The following PRPF39 variants were observed in gnomAD, a reference collection of about 807,000 sequenced individuals.
PRPF39 encodes pre-mRNA processing factor 39, also known as pre-mRNA-processing factor 39.
PRPF39 carries 27 observed loss-of-function variants against 82.1 expected under a neutral mutation model. The observed-to-expected ratio is 0.33, with a 90% CI of 0.24 to 0.45. The LOEUF is 0.45. Among genes scored for constraint, PRPF39 ranks in the 20% least tolerant of loss-of-function variants. The probability of loss-of-function intolerance (pLI) is 1.00; values close to 1 mark genes in which losing one functional copy is unlikely to be tolerated. For missense variants in PRPF39, 581 were observed against 796.9 expected (o/e 0.73, Z 3.26); for synonymous variants, 261 against 256.4 (o/e 1.02, Z -0.17).
intron 5 of PRPF39, among the ~76,000 whole-genome samples, chr14:45,106,434 G>T (rs1884534860): frequency 6.6e-6 from 1 of 152,062 alleles, no homozygotes; most frequent in Non-Finnish European, 1.5e-5. Flanking sequence ...TCATATTTGA[G>T]GTTCCAAAGG....
rs368302848 is a variant in PRPF39 at position 45,114,944 on chromosome 14, G to A, written c.*31G>A. 95 of 1,518,800 alleles carry A rather than the reference G, an allele frequency of 6.3e-5. No individual in the cohort carries two copies. In the South Asian group the frequency reaches 9.5e-4, roughly 15 times the overall value. 94.1% of individuals were successfully genotyped at this position (1,518,800 alleles called of 1,614,324 possible). ...AAAATGTAAATTTCAAATGCAGTGT[G>A]TGAAAAGTATGAAATTATTATTTTT... On this transcript the variant is annotated 3_prime_UTR_variant, in exon 14 of 14. Coordinates refer to ENST00000355765, the MANE Select transcript of PRPF39 (RefSeq NM_017922.4).
Position 45,109,774 on chromosome 14 carries a change from G to T in PRPF39, c.1170G>T (p.Trp390Cys). 1 of 1,598,346 alleles carries T rather than the reference G, an allele frequency of 6.3e-7. No individual in the cohort carries two copies. Among genetic ancestry groups the T allele is most frequent in the South Asian group, 1.1e-5 (1 of 87,982 alleles). ...VISCALYEEF[W>C]IKYAKYMENH... is the part of the protein sequence containing the mutation. ...CATGTGCCCTCTATGAGGAGTTTTG[G>T]ATTAAGGTAAGAAAATCATGTGCTC... The change falls in exon 8 of 14, where the codon TGG (tryptophan) becomes TGT (cysteine). Residue 390 changes from tryptophan to cysteine, a missense_variant. By Grantham distance (215) the Trp-to-Cys change is radical. Transcript: ENST00000355765.
chr14:45,108,751 A>T (rs1884614628), intron 7 of PRPF39, among the ~76,000 whole-genome samples: 1 of 152,206 alleles, frequency 6.6e-6, no homozygotes, highest in Non-Finnish European at 1.5e-5. Flanking sequence ...TATCTGCTTA[A>T]TCTGAACAAT....
At chr14:45,108,345 T>A (rs1373496193) in intron 6 of PRPF39, 70 bp from the exon 7 acceptor site, 1 of 1,439,980 alleles carries the variant, frequency 6.9e-7, no homozygotes, top group Non-Finnish European at 9.2e-7. Flanking sequence ...TACTTAAATA[T>A]AAGCAGTGAT....
chr14:45,100,565 G>A (rs1306509113), intron 4 of PRPF39, among the ~76,000 whole-genome samples: 3 of 152,050 alleles, frequency 2.0e-5, no homozygotes, highest in Non-Finnish European at 4.4e-5. Flanking sequence ...TTACCTTCTT[G>A]TCTTCTTCCC....
intron 2 of PRPF39, 110 bp from the exon 3 acceptor site, chr14:45,095,967 CAGAGCAGCCTGCATGTGGAGTTTTTA>C (rs1168933698): frequency 1.5e-6 from 1 of 663,354 alleles, no homozygotes; most frequent in Admixed American, 3.4e-5. Context: ...GCTCCATCGG[CAGAGCAGCCTGCATGTGGAGTTTTTA>C]AGCCTGCCAT....
In PRPF39 at chr14:45,095,470, C is replaced by T; in HGVS notation, c.231C>T (p.Phe77=). ...PVTLTETEAN[F]PPEYEKFWKT... Reference sequence around the variant, plus strand: ...CGCTGACAGAAACAGAAGCAAATTTCCCTCCAGAATATGAAAAATTTTGGA... The same window carrying T: ...CGCTGACAGAAACAGAAGCAAATTTTCCTCCAGAATATGAAAAATTTTGGA... The change falls in exon 2 of 14, where the codon TTC becomes TTT. Residue 77 remains phenylalanine, a synonymous_variant. Coordinates refer to ENST00000355765, the MANE Select transcript of PRPF39 (RefSeq NM_017922.4). 1 of 1,613,946 alleles carries T rather than the reference C, an allele frequency of 6.2e-7. No homozygotes were observed. The highest frequency in any genetic ancestry group is 8.5e-7 in the Non-Finnish European group (1 of 1,179,882).
intron 10 of PRPF39, 72 bp from the exon 11 acceptor site, chr14:45,112,246 T>G: frequency 8.0e-7 from 1 of 1,250,866 alleles, no homozygotes; most frequent in Non-Finnish European, 1.1e-6. Context: ...ACATAAAAAC[T>G]AAGGCATTTT....
intron 1 of PRPF39, among the ~76,000 whole-genome samples, chr14:45,090,442 A>T (rs572900854): frequency 1.7e-4 from 26 of 152,046 alleles, no homozygotes; most frequent in African/African-American, 6.0e-4. Context: ...CTTTGCTTTT[A>T]CCCTTCTACT....
intron 11 of PRPF39, among the ~76,000 whole-genome samples, chr14:45,112,742 T>C (rs1293037901): frequency 2.6e-5 from 4 of 152,236 alleles, no homozygotes; most frequent in Admixed American, 2.6e-4. Flanking sequence ...AATGACAATT[T>C]AAACCATGAC....
At chr14:45,109,516 A>C (rs1884640937) in intron 7 of PRPF39, 100 bp from the exon 8 acceptor site, 1 of 949,114 alleles carries the variant, frequency 1.1e-6, no homozygotes, top group East Asian at 3.2e-5. Flanking sequence ...AAAAATTTTA[A>C]TCATCAATTA....
chr14:45,101,847 C>T (rs1224390123), intron 4 of PRPF39, among the ~76,000 whole-genome samples: 1 of 149,966 alleles, frequency 6.7e-6, no homozygotes, highest in East Asian at 2.0e-4. Flanking sequence ...CGCTCTGTCG[C>T]CCAGTCTGGA....
intron 5 of PRPF39, among the ~76,000 whole-genome samples, chr14:45,103,040 G>A (rs959942174): frequency 2.0e-5 from 3 of 152,140 alleles, no homozygotes; most frequent in African/African-American, 7.2e-5. Context: ...AATTGACACA[G>A]TGCCTGGCAC....
At chr14:45,100,221 C>T (rs1219014649) in intron 4 of PRPF39, among the ~76,000 whole-genome samples, 1 of 151,550 alleles carries the variant, frequency 6.6e-6, no homozygotes, top group Non-Finnish European at 1.5e-5. Flanking sequence ...CAGAGCGAGA[C>T]CCTGTCTCAA....
In PRPF39 at chr14:45,107,439, G is replaced by A. The variant is rs753659101; in HGVS notation, c.738-12G>A. 2 of 1,482,824 alleles carry A rather than the reference G, an allele frequency of 1.3e-6. No individual in the cohort carries two copies. Among genetic ancestry groups the A allele is most frequent in the Non-Finnish European group, 1.8e-6 (2 of 1,087,174 alleles). 91.9% of individuals were successfully genotyped at this position (1,482,824 alleles called of 1,614,324 possible). On this transcript the variant is annotated splice_polypyrimidine_tract_variant and intron_variant, in intron 5 of 13. Transcript: ENST00000355765. ...TGATTCAAATACATATATTTTTATT[G>A]TCTTCCTTTAGATTTAAAGAACATG... is the stretch of plus-strand genomic sequence containing the variant.
intron 11 of PRPF39, among the ~76,000 whole-genome samples, chr14:45,113,318 A>G (rs559823714): frequency 6.6e-6 from 1 of 152,264 alleles, no homozygotes; most frequent in Non-Finnish European, 1.5e-5. Context: ...CGTGCTTGGC[A>G]TGATGCCAAA....
At chr14:45,097,707 T>C (rs1884245057) in intron 4 of PRPF39, among the ~76,000 whole-genome samples, 1 of 152,228 alleles carries the variant, frequency 6.6e-6, no homozygotes, top group Non-Finnish European at 1.5e-5. Context: ...TCTCATATGC[T>C]TATATAAGCC....
chr14:45,090,694 A>G (rs1883993234), intron 1 of PRPF39, among the ~76,000 whole-genome samples: 1 of 151,958 alleles, frequency 6.6e-6, no homozygotes, highest in African/African-American at 2.4e-5. Context: ...ACTTTGTTTC[A>G]TTTGAGAGCT....
At position 45,110,178 on chromosome 14, in the gene PRPF39, C is replaced by T. The variant is rs571640599; in HGVS notation, c.1261C>T (p.Pro421Ser). Residue 421 changes from proline (P) to serine (S), a missense_variant, in exon 9 of 14, where the codon CCC (proline) becomes TCC (serine). Coordinates refer to ENST00000355765, the MANE Select transcript of PRPF39 (RefSeq NM_017922.4). The surrounding 1 kb of genome is among the most constrained non-coding windows in gnomAD (Gnocchi z 4.0). Reference protein sequence around the residue: ...RACTIHLPKKPMVHMLWAAFE... With the variant: ...RACTIHLPKKSMVHMLWAAFE... ...TTGTACTATACATCTCCCAAAGAAACCCATGGTGCATATGCTTTGGGCAGC... is the reference window on the plus strand; with the variant it reads ...TTGTACTATACATCTCCCAAAGAAATCCATGGTGCATATGCTTTGGGCAGC... The T allele has an allele frequency of 2.5e-6, 4 of 1,613,592 alleles. No homozygotes were observed. Among genetic ancestry groups the T allele is most frequent in the Non-Finnish European group, 3.4e-6 (4 of 1,179,746 alleles).
Sources: allele counts gnomAD v4.1 joint callset (sites outside exome capture counted in the v4.1 genomes callset), GRCh38; gene constraint gnomAD v4.1.1; non-coding constraint Gnocchi (gnomAD v3.1); transcripts MANE v1.5; gene names NCBI Gene and HGNC (gene_info 2026-07-23, HGNC 2026-07-21).